The following B3GALT1 variants were observed in gnomAD, a reference collection of about 807,000 sequenced individuals.
B3GALT1 encodes the protein UDP-Gal:betaGlcNAc beta 1,3-galactosyltransferase, polypeptide 1.
In B3GALT1, 10 loss-of-function variants were observed where a neutral mutation model predicts 23.2. That is an observed-to-expected ratio of 0.43 (90% CI 0.27 to 0.73). The LOEUF (loss-of-function observed/expected upper bound fraction) is 0.73. B3GALT1 is among the 30% of genes least tolerant of loss of function. B3GALT1 has a pLI of 0.21. For missense variants in B3GALT1, 299 were observed against 405.4 expected (o/e 0.74, Z 2.25); for synonymous variants, 156 against 141.5 (o/e 1.10, Z -0.73).
chr2:167,367,652 A>C (rs1187490049), intron 1 of B3GALT1, among the ~76,000 whole-genome samples: 1 of 152,190 alleles, frequency 6.6e-6, no homozygotes, highest in South Asian at 2.1e-4. Flanking sequence ...ACGACTTTAC[A>C]TCTGGGAAAG....
chr2:167,651,369 C>T (rs904457484), intron 3 of B3GALT1, among the ~76,000 whole-genome samples: 1 of 152,010 alleles, frequency 6.6e-6, no homozygotes, highest in Admixed American at 6.6e-5. Context: ...TTAGTCCAGA[C>T]AGTACTACCC....
At chr2:167,440,260 G>A (rs1169014925) in intron 1 of B3GALT1, among the ~76,000 whole-genome samples, 2 of 149,786 alleles carry the variant, frequency 1.3e-5, no homozygotes, top group Non-Finnish European at 3.0e-5. Context: ...GGAGAATGGT[G>A]TGAACCTGGG....
At chr2:167,357,522 C>G (rs571301683) in intron 1 of B3GALT1, among the ~76,000 whole-genome samples, 21 of 152,188 alleles carry the variant, frequency 1.4e-4, no homozygotes, top group African/African-American at 4.6e-4. Context: ...TAGTTCATCA[C>G]TTGGGTAGTT....
At chr2:167,424,544 C>T (rs559683176) in intron 1 of B3GALT1, among the ~76,000 whole-genome samples, 24 of 151,776 alleles carry the variant, frequency 1.6e-4, no homozygotes, top group Admixed American at 1.5e-3. Flanking sequence ...GTGTTCTCTA[C>T]ATTAGTGTGT....
At chr2:167,659,215 G>A (rs1043469721) in intron 3 of B3GALT1, among the ~76,000 whole-genome samples, 3 of 151,064 alleles carry the variant, frequency 2.0e-5, no homozygotes, top group Non-Finnish European at 3.0e-5. Context: ...AATTAGAAAA[G>A]CATCTTGAGC....
intron 3 of B3GALT1, among the ~76,000 whole-genome samples, chr2:167,717,235 A>G (rs1240806931): frequency 1.6e-5 from 2 of 124,862 alleles, no homozygotes; most frequent in Non-Finnish European, 3.2e-5. Context: ...TTTCCTTTAT[A>G]TTGATCATAG....
intron 2 of B3GALT1, among the ~76,000 whole-genome samples, chr2:167,563,497 G>A (rs1372964548): frequency 1.6e-5 from 1 of 64,186 alleles, no homozygotes; most frequent in Non-Finnish European, 2.7e-5. Flanking sequence ...GGGCAGAGGC[G>A]CCCCTCACCT....
At chr2:167,295,950 G>A (rs191997187) in intron 1 of B3GALT1, among the ~76,000 whole-genome samples, 13 of 152,212 alleles carry the variant, frequency 8.5e-5, no homozygotes, top group Non-Finnish European at 1.9e-4. Flanking sequence ...AAATGATGCA[G>A]AGTTGGGGTT....
In B3GALT1 at chr2:167,674,130, A is replaced by G. The variant is rs1020487686; in HGVS notation, c.-352+27164A>G. ...CAGAATTTAGTGTATATTAAATACA[A>G]CTAATATTGGTATTAAAAGAGGAAA... On this transcript the variant is annotated intron_variant, in intron 3 of 4. Coordinates refer to ENST00000392690, the MANE Select transcript of B3GALT1 (RefSeq NM_020981.4). Among the ~76,000 whole-genome samples the G allele has an allele frequency of 5.3e-5, 8 of 152,178 alleles. No homozygotes were observed. The East Asian group carries it at 1.5e-3, about 29-fold the overall frequency.
At chr2:167,333,795 A>C (rs1467243076) in intron 1 of B3GALT1, among the ~76,000 whole-genome samples, 1 of 152,222 alleles carries the variant, frequency 6.6e-6, no homozygotes, top group Non-Finnish European at 1.5e-5. Flanking sequence ...GAAGTGAACT[A>C]GATTAGCCCA....
At chr2:167,321,800 A>G (rs1193083226) in intron 1 of B3GALT1, among the ~76,000 whole-genome samples, 1 of 152,044 alleles carries the variant, frequency 6.6e-6, no homozygotes, top group African/African-American at 2.4e-5. Context: ...TTCAGCTCCT[A>G]TTCCACTTAT....
intron 2 of B3GALT1, among the ~76,000 whole-genome samples, chr2:167,557,221 A>G (rs1683869928): frequency 6.6e-6 from 1 of 152,074 alleles, no homozygotes; most frequent in South Asian, 2.1e-4. Context: ...GATCAAAGAC[A>G]TTTTCATTTA....
At chr2:167,296,370 A>G (rs893488101) in intron 1 of B3GALT1, among the ~76,000 whole-genome samples, 1 of 152,228 alleles carries the variant, frequency 6.6e-6, no homozygotes, top group Non-Finnish European at 1.5e-5. Flanking sequence ...GTTTTAATTA[A>G]TAGTGAAATC....
chr2:167,444,324 TTC>T (rs1191640455), intron 1 of B3GALT1, among the ~76,000 whole-genome samples: 1 of 152,194 alleles, frequency 6.6e-6, no homozygotes, highest in African/African-American at 2.4e-5. Context: ...TGGCCTAAAA[TTC>T]TCTTTTTTTG....
chr2:167,836,380 G>T (rs950965063), intron 4 of B3GALT1, among the ~76,000 whole-genome samples: 2 of 152,210 alleles, frequency 1.3e-5, no homozygotes, highest in Non-Finnish European at 2.9e-5. Flanking sequence ...TGTGAAGAAT[G>T]CAGAAGCCTC....
intron 3 of B3GALT1, among the ~76,000 whole-genome samples, chr2:167,676,077 A>G (rs991042811): frequency 6.6e-6 from 1 of 151,918 alleles, no homozygotes; most frequent in Non-Finnish European, 1.5e-5. Context: ...AAGGGCCTAG[A>G]CCACGCCCCT....
chr2:167,571,347 C>G (rs1166542974), intron 2 of B3GALT1, among the ~76,000 whole-genome samples: 1 of 151,878 alleles, frequency 6.6e-6, no homozygotes, highest in African/African-American at 2.4e-5. Flanking sequence ...ATTCCTAGTT[C>G]ACCTAGAAAA....
rs76836352 is a variant in B3GALT1 at position 167,598,622 on chromosome 2, C to A, written c.-409-48287C>A. ...AATTAACTTAGTTGACCCTGAAGAACCGGAGTAAACTGGTTTTCTCTAACA... is the reference window on the plus strand; with the variant it reads ...AATTAACTTAGTTGACCCTGAAGAAACGGAGTAAACTGGTTTTCTCTAACA... On this transcript the variant is annotated intron_variant, in intron 2 of 4. Transcript: ENST00000392690. 5.5e-3 allele frequency among the ~76,000 whole-genome samples: 832 copies of A among 152,220 alleles called. 5 individuals are homozygous for A. Among genetic ancestry groups the A allele is most frequent in the African/African-American group, 0.019 (779 of 41,520 alleles).
intron 3 of B3GALT1, among the ~76,000 whole-genome samples, chr2:167,674,104 C>A (rs1331413863): frequency 6.6e-6 from 1 of 151,938 alleles, no homozygotes; most frequent in African/African-American, 2.4e-5. Flanking sequence ...CTAGTAGTTA[C>A]CAGAATTTAG....
Sources: gnomAD v4.1 joint callset for allele counts (sites outside exome capture counted in the v4.1 genomes callset) on GRCh38, gnomAD v4.1.1 for gene constraint, MANE v1.5 for transcripts, NCBI Gene and HGNC (gene_info 2026-07-23, HGNC 2026-07-21) for gene names.